SAR1B: variants seen among roughly 807,000 people sequenced by gnomAD.
The protein encoded by SAR1B is small COPII coat GTPase SAR1B.
A neutral mutation model predicts 26.8 loss-of-function variants in SAR1B; 23 were observed. That is an observed-to-expected ratio of 0.86 (90% confidence interval 0.62 to 1.22). The LOEUF (loss-of-function observed/expected upper bound fraction) is 1.22. SAR1B is among the 50% of genes most tolerant of loss of function. The pLI is 0.00. For synonymous variants in SAR1B, 65 were observed against 80.8 expected, an observed-to-expected ratio of 0.80 and a Z score of 1.05; for missense variants, 196 against 232.8, an observed-to-expected ratio of 0.84 and a Z score of 1.03.
chr5:134,627,801 AAAATAAAT>A (rs199626448), intron 1 of SAR1B, among the ~76,000 whole-genome samples: 51,202 of 134,168 alleles, frequency 0.38, 9,914 homozygotes, highest in Middle Eastern at 0.43. Flanking sequence ...TCCATCCCAA[AAAATAAAT>A]AAATAAATAA....
rs139862524 is a variant in SAR1B, at chr5:134,608,869, C to T, written c.349-366G>A. On this transcript the variant is annotated intron_variant, in intron 5 of 6. Coordinates refer to ENST00000402673, the MANE Select transcript of SAR1B (RefSeq NM_016103.4). The stretch of plus-strand genomic sequence containing the variant: ...CTCTAGAGAGAATTAGGAACAGTAG[C>T]ATCCACCCTATGAAATTGAGAATTA... 372 of 368,766 alleles carry T rather than the reference C, an allele frequency of 1.0e-3. 3 individuals are homozygous for T. Among genetic ancestry groups the T allele is most frequent in the African/African-American group, 7.4e-3 (349 of 47,438 alleles). The allele number at this position is 368,766 out of a possible 1,614,324, so 22.8% of individuals were successfully genotyped here.
chr5:134,609,762 C>G (rs1157511466), intron 4 of SAR1B, 88 bp from the exon 5 acceptor site: 12 of 960,456 alleles, frequency 1.2e-5, no homozygotes, highest in Non-Finnish European at 1.8e-5. Context: ...ATATCAAGTG[C>G]GGTAATCCCT....
chr5:134,630,313 AGT>A (rs772179090), intron 1 of SAR1B, among the ~76,000 whole-genome samples: 2 of 151,542 alleles, frequency 1.3e-5, no homozygotes, highest in African/African-American at 4.8e-5. Context: ...AGATTAGCTG[AGT>A]GTGGTGGTGT....
chr5:134,603,987 C>A lies in SAR1B; in HGVS notation c.*2963G>T, dbSNP rs916914296. ...TGTTCATATATCTTTGGCACTCATA[C>A]AAAGATACTGGTTTAAACCAACAGT... On this transcript the variant is annotated 3_prime_UTR_variant, in exon 7 of 7. Transcript: ENST00000402673. 1.3e-5 allele frequency: 2 copies of A among 152,120 alleles called. No homozygotes were observed. The highest frequency in any genetic ancestry group is 4.8e-5 in the African/African-American group (2 of 41,418). 9.4% of individuals were successfully genotyped at this position (152,120 alleles called of 1,614,324 possible).
chr5:134,627,493 C>A (rs1765513314), intron 1 of SAR1B, among the ~76,000 whole-genome samples: 1 of 151,918 alleles, frequency 6.6e-6, no homozygotes, highest in Non-Finnish European at 1.5e-5. Flanking sequence ...GCCACTATGC[C>A]TGGCTCATTT....
chr5:134,604,029 T>A lies in SAR1B; in HGVS notation c.*2921A>T, dbSNP rs914324511. On this transcript the variant is annotated 3_prime_UTR_variant, in exon 7 of 7. Coordinates refer to ENST00000402673, the MANE Select transcript of SAR1B (RefSeq NM_016103.4). ...ACCAACAGTGAATAATTTTTTTTCA[T>A]ATACTTTAGGAAATGTCTGTTCTCC... 7 of 152,200 alleles carry A rather than the reference T, an allele frequency of 4.6e-5. No individual in the cohort carries two copies. The highest frequency in any genetic ancestry group is 2.6e-4 in the Admixed American group (4 of 15,286). 9.4% of individuals were successfully genotyped at this position (152,200 alleles called of 1,614,324 possible).
chr5:134,618,773 G>A (rs1315543705), intron 3 of SAR1B, among the ~76,000 whole-genome samples: 1 of 152,154 alleles, frequency 6.6e-6, no homozygotes, highest in African/African-American at 2.4e-5. Flanking sequence ...CAAGGCAGGT[G>A]GATCACTTGT....
At chr5:134,629,090 G>A (rs1355254827) in intron 1 of SAR1B, among the ~76,000 whole-genome samples, 1 of 151,452 alleles carries the variant, frequency 6.6e-6, no homozygotes, top group Admixed American at 6.6e-5. Flanking sequence ...ATTCCAACCT[G>A]GGCAACATAG....
intron 4 of SAR1B, among the ~76,000 whole-genome samples, chr5:134,611,603 A>G (rs2150050804): frequency 6.6e-6 from 1 of 152,290 alleles, no homozygotes; most frequent in East Asian, 1.9e-4. Context: ...ACAGGATTTT[A>G]GTCCCCGCAA....
chr5:134,626,566 T>G (rs1397796750), intron 1 of SAR1B, among the ~76,000 whole-genome samples: 1 of 152,136 alleles, frequency 6.6e-6, no homozygotes, highest in Non-Finnish European at 1.5e-5. Flanking sequence ...CAGATTTATT[T>G]ATTGCACCAA....
chr5:134,612,883 T>C lies in SAR1B; in HGVS notation c.179-127A>G, dbSNP rs920726788. ...AATTAAGAATAAATAGTAACTTCTCTTAGAAGCAAAATTGATTCAAAGACC... is the reference window on the plus strand; with the variant it reads ...AATTAAGAATAAATAGTAACTTCTCCTAGAAGCAAAATTGATTCAAAGACC... On this transcript the variant is annotated intron_variant, in intron 3 of 6. Transcript: ENST00000402673. 9 of 824,488 alleles carry C rather than the reference T, an allele frequency of 1.1e-5. No individual in the cohort carries two copies. Among genetic ancestry groups the C allele is most frequent in the South Asian group, 3.5e-5 (2 of 56,380 alleles). 51.1% of individuals were successfully genotyped at this position (824,488 alleles called of 1,614,324 possible).
In SAR1B at chr5:134,621,136, G is replaced by A. The variant is rs1765400647; in HGVS notation, c.59-84C>T. 26 of 1,444,540 alleles carry A rather than the reference G, an allele frequency of 1.8e-5. 1 individual carries two copies. The South Asian group carries it at 2.8e-4, about 15-fold the overall frequency. 89.5% of individuals were successfully genotyped at this position (1,444,540 alleles called of 1,614,324 possible). A position where few individuals can be genotyped will look rare whatever the true frequency, so the allele number is the denominator to read the frequency against. ...ATTTAAATTTGGCCCAATTAAGCTT[G>A]AAGTTCTAAACCTATTTTCAGTTTT... On this transcript the variant is annotated intron_variant, in intron 2 of 6. Coordinates refer to ENST00000402673, the MANE Select transcript of SAR1B (RefSeq NM_016103.4).
chr5:134,632,646 G>C (rs1270801951), intron 1 of SAR1B, 82 bp downstream of exon 1: 2 of 152,374 alleles, frequency 1.3e-5, no homozygotes, highest in Non-Finnish European at 2.9e-5. Flanking sequence ...CTCAGAGTAG[G>C]TCTTGGCCCT....
At chr5:134,623,583 C>A (rs570276179) in intron 2 of SAR1B, among the ~76,000 whole-genome samples, 1 of 149,976 alleles carries the variant, frequency 6.7e-6, no homozygotes, top group Non-Finnish European at 1.5e-5. Flanking sequence ...GGTGTACAAG[C>A]TACTTTATGG....
chr5:134,606,418 C>T lies in SAR1B; in HGVS notation c.*532G>A, dbSNP rs759046462. 5.4e-5 allele frequency: 9 copies of T among 165,196 alleles called. No homozygotes were observed. The highest frequency in any genetic ancestry group is 1.1e-4 in the Non-Finnish European group (8 of 75,056). The allele number at this position is 165,196 out of a possible 1,614,324, so 10.2% of individuals were successfully genotyped here. ...AAGACACATTTAAATGAAACATTTG[C>T]CCAACAAGGATGCCAAACATTAGAG... On this transcript the variant is annotated 3_prime_UTR_variant, in exon 7 of 7. Coordinates refer to ENST00000402673, the MANE Select transcript of SAR1B (RefSeq NM_016103.4).
chr5:134,622,860 G>A (rs1436090555), intron 2 of SAR1B, among the ~76,000 whole-genome samples: 9 of 151,418 alleles, frequency 5.9e-5, no homozygotes, highest in Non-Finnish European at 1.2e-4. Flanking sequence ...AGTGGCTCAC[G>A]CCTGTAATCC....
intron 2 of SAR1B, among the ~76,000 whole-genome samples, chr5:134,622,410 CTTTTT>C (rs70976542): frequency 1.5e-5 from 2 of 135,600 alleles, no homozygotes; most frequent in Non-Finnish European, 1.6e-5. Flanking sequence ...AGCCCATATT[CTTTTT>C]TTTTTTTTTT....
intron 2 of SAR1B, among the ~76,000 whole-genome samples, chr5:134,623,347 G>A (rs954172449): frequency 9.2e-5 from 14 of 151,708 alleles, no homozygotes; most frequent in African/African-American, 3.4e-4. Context: ...GGTTGAGGCA[G>A]GAGAATCGCT....
intron 6 of SAR1B, among the ~76,000 whole-genome samples, chr5:134,607,903 G>C (rs935069011): frequency 6.6e-6 from 1 of 151,990 alleles, no homozygotes; most frequent in Non-Finnish European, 1.5e-5. Flanking sequence ...TTTCAATGCT[G>C]ATGTTTCCCC....
Sources: allele counts gnomAD v4.1 joint callset (sites outside exome capture counted in the v4.1 genomes callset), GRCh38; gene constraint gnomAD v4.1.1; transcripts MANE v1.5; gene names NCBI Gene and HGNC (gene_info 2026-07-23, HGNC 2026-07-21).